The following TNNT3 variants were observed in gnomAD, a reference collection of about 807,000 sequenced individuals.
The protein encoded by TNNT3 is troponin T3, fast skeletal type, also known as troponin T, fast skeletal muscle.
A neutral mutation model predicts 54.2 loss-of-function variants in TNNT3; 36 were observed. That is an observed-to-expected ratio of 0.66 (90% CI 0.51 to 0.88). The LOEUF (loss-of-function observed/expected upper bound fraction) is 0.88. Ranked by LOEUF, TNNT3 falls within the 40% of genes least tolerant of loss-of-function variation. The probability of loss-of-function intolerance (pLI) is 0.00; values close to 1 mark genes in which losing one functional copy is unlikely to be tolerated. For missense variants in TNNT3, 291 were observed against 331.6 expected, an observed-to-expected ratio of 0.88 and a Z score of 0.95; for synonymous variants, 120 against 109.7, an observed-to-expected ratio of 1.09 and a Z score of -0.59.
intron 11 of TNNT3, 138 bp downstream of exon 11, chr11:1,934,146 G>C (rs1854257338): frequency 1.7e-6 from 2 of 1,146,600 alleles, no homozygotes; most frequent in African/African-American, 3.1e-5. Flanking sequence ...TAAGGCCCCG[G>C]CGCCCTGCAG....
chr11:1,923,639 G>A, intron 4 of TNNT3, 67 bp downstream of exon 4: 1 of 1,280,780 alleles, frequency 7.8e-7, no homozygotes, highest in Non-Finnish European at 1.1e-6. Flanking sequence ...TCTCCCGTGT[G>A]GCGCTCACAG....
chr11:1,927,202 C>T (rs7940990), intron 6 of TNNT3, among the ~76,000 whole-genome samples: 48 of 152,296 alleles, frequency 3.2e-4, no homozygotes, highest in African/African-American at 1.1e-3. Flanking sequence ...AGGCTGAGGC[C>T]CAAGGTGGGG....
chr11:1,929,731 G>A (rs375241620), intron 7 of TNNT3, 79 bp from the exon 8 acceptor site: 141 of 1,509,090 alleles, frequency 9.3e-5, no homozygotes, highest in African/African-American at 1.4e-4. Flanking sequence ...GCCGCAGGCC[G>A]CCCAGTCTCA....
In TNNT3 at chr11:1,926,717, G is replaced by A. The variant is rs933088075; in HGVS notation, c.82+8G>A. ...CAGAGGAAGTTCAAGAAGGTACGCC[G>A]GCGCTCCCCCGCCTCCAGGCCAGAG... On this transcript the variant is annotated splice_region_variant and intron_variant, in intron 6 of 15. Transcript: ENST00000278317. 19 of 1,613,032 alleles carry A rather than the reference G, an allele frequency of 1.2e-5. No individual in the cohort carries two copies. Among genetic ancestry groups the A allele is most frequent in the Admixed American group, 1.7e-5 (1 of 59,994 alleles).
At position 1,926,716 on chromosome 11, in the gene TNNT3, C is replaced by CG; in HGVS notation, c.82+9dup. On this transcript the variant is annotated splice_region_variant and intron_variant, in intron 6 of 15. Transcript: ENST00000278317. ...GCAGAGGAAGTTCAAGAAGGTACGCCGGCGCTCCCCCGCCTCCAGGCCAGA... is the reference window on the plus strand; with the variant it reads ...GCAGAGGAAGTTCAAGAAGGTACGCCGGGCGCTCCCCCGCCTCCAGGCCAGA... The CG allele has an allele frequency of 6.2e-7, 1 of 1,613,170 alleles. No homozygotes were observed. Among genetic ancestry groups the CG allele is most frequent in the Non-Finnish European group, 8.5e-7 (1 of 1,180,018 alleles).
chr11:1,925,019 G>T, intron 4 of TNNT3, 80 bp from the exon 5 acceptor site: 4 of 1,550,980 alleles, frequency 2.6e-6, no homozygotes, highest in Middle Eastern at 2.3e-4. Flanking sequence ...CTTGCGGCCT[G>T]AGTACACTCT....
chr11:1,929,282 C>G (rs1011695921), intron 7 of TNNT3, 139 bp downstream of exon 7: 1 of 1,157,620 alleles, frequency 8.6e-7, no homozygotes, highest in Non-Finnish European at 1.3e-6. Context: ...ACGGGGGCCT[C>G]GGAGGGCCAG....
At chr11:1,923,450 C>T (rs572495926) in intron 3 of TNNT3, 105 bp from the exon 4 acceptor site, 161 of 1,276,014 alleles carry the variant, frequency 1.3e-4, no homozygotes, top group Non-Finnish European at 1.7e-4. Flanking sequence ...CAGGGGCAGT[C>T]GCTGGCCTGT....
Position 1,934,634 on chromosome 11 carries a change from A to C in TNNT3, c.569A>C (p.His190Pro), listed in dbSNP as rs747468615. The part of the protein sequence containing the change: ...AERRKPLNID[H>P]LGEDKLRDKA... ...AGACGCAAGCCGCTCAACATCGATC[A>C]CCTTGGTGAAGACAAACTGAGGTGA... Residue 190 changes from histidine (H) to proline (P), a missense_variant, in exon 13 of 16, where the codon CAC becomes CCC. By Grantham distance (77) the His-to-Pro change is moderately conservative. Coordinates refer to ENST00000278317, the MANE Select transcript of TNNT3 (RefSeq NM_006757.4). The C allele has an allele frequency of 1.2e-6, 2 of 1,608,912 alleles. No individual in the cohort carries two copies. Among genetic ancestry groups the C allele is most frequent in the Non-Finnish European group, 1.7e-6 (2 of 1,178,130 alleles).
At chr11:1,934,717 G>A in intron 13 of TNNT3, 62 bp downstream of exon 13, 1 of 1,599,618 alleles carries the variant, frequency 6.3e-7, no homozygotes, top group Non-Finnish European at 8.6e-7. Flanking sequence ...GCTGCCGACT[G>A]CTCCTCAGGC....
At chr11:1,925,554 G>C (rs1851347929) in intron 5 of TNNT3, among the ~76,000 whole-genome samples, 1 of 152,220 alleles carries the variant, frequency 6.6e-6, no homozygotes, top group Non-Finnish European at 1.5e-5. Flanking sequence ...GGTCAGCAGG[G>C]TGTCCCCAAG....
Position 1,932,457 on chromosome 11 carries a change from T to A in TNNT3, c.126-12T>A, listed in dbSNP as rs375032946. 2.5e-6 allele frequency: 4 copies of A among 1,613,350 alleles called. No homozygotes were observed. The African/African-American group carries it at 5.3e-5, about 22-fold the overall frequency. On this transcript the variant is annotated splice_polypyrimidine_tract_variant and intron_variant, in intron 8 of 15. Transcript: ENST00000278317. Reference sequence around the variant, plus strand: ...GGGTCTCTGCTCACGGGCCTCTCTGTCTCCTCTTCAGACTCACTGCTCCTA... The same window carrying A: ...GGGTCTCTGCTCACGGGCCTCTCTGACTCCTCTTCAGACTCACTGCTCCTA...
intron 5 of TNNT3, chr11:1,925,445 AC>A: frequency 1.4e-6 from 1 of 731,034 alleles, no homozygotes; most frequent in Non-Finnish European, 2.3e-6. Context: ...CCAATGCTTG[AC>A]CAGAGAGAGA....
rs780590296 is a variant in TNNT3, at chr11:1,938,443, A to T, written c.728A>T (p.Lys243Met). 2.5e-6 allele frequency: 4 copies of T among 1,613,190 alleles called. No individual in the cohort carries two copies. The African/African-American group carries it at 5.3e-5, about 22-fold the overall frequency. ...SRIDQAQKHS[K>M]KAGTPAKGKV... ...CACTTGCTTCCCATTTGCAGCAGCA[A>T]GAAGGCTGGGACCCCAGCCAAGGGC... Residue 243 changes from lysine (K) to methionine (M), a missense_variant, in exon 16 of 16, where the codon AAG (lysine) becomes ATG (methionine). Lys to Met is a moderately conservative substitution (Grantham distance 95). Coordinates refer to ENST00000278317, the MANE Select transcript of TNNT3 (RefSeq NM_006757.4).
chr11:1,925,949 C>T (rs1426727040), intron 5 of TNNT3, among the ~76,000 whole-genome samples: 1 of 152,100 alleles, frequency 6.6e-6, no homozygotes, highest in Non-Finnish European at 1.5e-5. Flanking sequence ...ACGAGTGGGC[C>T]CCCAGCGTTG....
At chr11:1,936,353 G>A (rs1855036640) in intron 14 of TNNT3, 1 of 1,349,998 alleles carries the variant, frequency 7.4e-7, no homozygotes, top group Non-Finnish European at 1.0e-6. Flanking sequence ...TCAGGATGCT[G>A]GCGGCAGGGG....
chr11:1,929,328 C>T (rs1358825032), intron 7 of TNNT3, among the ~76,000 whole-genome samples, 185 bp downstream of exon 7: 1 of 152,348 alleles, frequency 6.6e-6, no homozygotes, highest in East Asian at 1.9e-4. Context: ...TGGGGTCGAG[C>T]TGCCAGGGCC....
intron 14 of TNNT3, among the ~76,000 whole-genome samples, chr11:1,935,752 G>A (rs1854827366): frequency 6.6e-6 from 1 of 152,100 alleles, no homozygotes; most frequent in Non-Finnish European, 1.5e-5. Flanking sequence ...AGGGGAGGGC[G>A]GCTGTGCCCA....
At chr11:1,925,390 C>A (rs539006550) in intron 5 of TNNT3, 2 of 1,264,772 alleles carry the variant, frequency 1.6e-6, no homozygotes, top group Non-Finnish European at 2.2e-6. Flanking sequence ...ACCAGCCAGC[C>A]AAGGGGCCCC....
Sources: allele counts gnomAD v4.1 joint callset (sites outside exome capture counted in the v4.1 genomes callset), GRCh38; gene constraint gnomAD v4.1.1; transcripts MANE v1.5; gene names NCBI Gene and HGNC (gene_info 2026-07-23, HGNC 2026-07-21).